The following TXNRD1 variants were observed in gnomAD, a reference collection of about 807,000 sequenced individuals.
TXNRD1 encodes the protein thioredoxin reductase 1.
Under a neutral mutation model 80.3 loss-of-function variants are expected in TXNRD1, and 57 were observed. The observed-to-expected ratio is 0.71, with a 90% CI of 0.57 to 0.89. TXNRD1 has a LOEUF of 0.89. TXNRD1 is among the 40% of genes least tolerant of loss of function. TXNRD1 has a pLI of 0.00. For synonymous variants in TXNRD1, 291 were observed against 285.2 expected (o/e 1.02, Z -0.20); for missense variants, 730 against 803.0 (o/e 0.91, Z 1.10).
intron 10 of TXNRD1, 106 bp from the exon 11 acceptor site, chr12:104,325,231 C>A: frequency 1.2e-6 from 1 of 811,694 alleles, no homozygotes; most frequent in Non-Finnish European, 2.1e-6. Context: ...ACTTTTCAAG[C>A]ACGATTTTAT....
In TXNRD1 at chr12:104,326,460, A is replaced by ATTTTTTTTTTTT; in HGVS notation, c.1385+48_1385+59dup. On this transcript the variant is annotated intron_variant, in intron 12 of 16. Transcript: ENST00000525566. ...ATCTTTATTATGTCATATTTGTGGG[A>ATTTTTTTTTTTT]TTTTTTTTTTTTTTTTTTTTTTGAG... The ATTTTTTTTTTTT allele has an allele frequency of 5.6e-6, 3 of 539,390 alleles. 1 individual carries two copies. Among genetic ancestry groups the ATTTTTTTTTTTT allele is most frequent in the Non-Finnish European group, 2.7e-6 (1 of 365,510 alleles). The allele number at this position is 539,390 out of a possible 1,614,324, so 33.4% of individuals were successfully genotyped here. A position where few individuals can be genotyped will look rare whatever the true frequency, so the allele number is the denominator to read the frequency against.
chr12:104,234,507 C>A (rs2032691292), intron 1 of TXNRD1, among the ~76,000 whole-genome samples: 1 of 151,924 alleles, frequency 6.6e-6, no homozygotes, highest in Non-Finnish European at 1.5e-5. Context: ...ATTGGCCAGG[C>A]TGGTCTTGAA....
intron 1 of TXNRD1, among the ~76,000 whole-genome samples, chr12:104,236,646 G>A (rs937939857): frequency 6.6e-6 from 1 of 151,856 alleles, no homozygotes; most frequent in African/African-American, 2.4e-5. Context: ...AAAATTAGCC[G>A]GGTGTGGTGG....
At chr12:104,347,631 C>T (rs756348255) in intron 16 of TXNRD1, among the ~76,000 whole-genome samples, 3 of 152,110 alleles carry the variant, frequency 2.0e-5, no homozygotes, top group Non-Finnish European at 2.9e-5. Flanking sequence ...GTCACAGCAT[C>T]GTATTGCAAA....
chr12:104,324,794 C>T (rs1016495426), intron 10 of TXNRD1, among the ~76,000 whole-genome samples: 5 of 152,198 alleles, frequency 3.3e-5, no homozygotes, highest in East Asian at 1.9e-4. Context: ...CAACTGAAAA[C>T]ACCCCCTGGT....
chr12:104,342,961 G>T (rs1285951247), intron 16 of TXNRD1, among the ~76,000 whole-genome samples: 1 of 152,156 alleles, frequency 6.6e-6, no homozygotes, highest in African/African-American at 2.4e-5. Context: ...ATATTTGAGG[G>T]CAGAGTTGAT....
At chr12:104,332,200 G>GT (rs932712713) in intron 14 of TXNRD1, among the ~76,000 whole-genome samples, 1 of 152,074 alleles carries the variant, frequency 6.6e-6, no homozygotes, top group Non-Finnish European at 1.5e-5. Flanking sequence ...TGGAGTCAAA[G>GT]AAAATGCACA....
chr12:104,253,373 T>C (rs1220788162), intron 2 of TXNRD1, among the ~76,000 whole-genome samples: 2 of 117,870 alleles, frequency 1.7e-5, no homozygotes, highest in African/African-American at 6.8e-5. Flanking sequence ...GGGAGTAGGA[T>C]TGCAAAGAGG....
intron 16 of TXNRD1, among the ~76,000 whole-genome samples, chr12:104,342,442 A>G (rs1028040577): frequency 2.6e-5 from 4 of 152,176 alleles, no homozygotes; most frequent in African/African-American, 4.8e-5. Flanking sequence ...GACCAAATAC[A>G]TATTTCTTCT....
intron 3 of TXNRD1, among the ~76,000 whole-genome samples, chr12:104,270,815 C>T (rs938891813): frequency 6.6e-6 from 1 of 151,924 alleles, no homozygotes; most frequent in African/African-American, 2.4e-5. Flanking sequence ...ATATAGCCTC[C>T]TTTATAGCAA....
intron 1 of TXNRD1, among the ~76,000 whole-genome samples, chr12:104,238,163 TTAAC>T (rs147293970): frequency 0.016 from 2,363 of 152,354 alleles, 35 homozygotes; most frequent in Middle Eastern, 0.027. Context: ...AGTCATGTTT[TTAAC>T]TAACCTGCAA....
intron 3 of TXNRD1, among the ~76,000 whole-genome samples, chr12:104,274,724 A>T (rs7342321): frequency 0.72 from 102,318 of 142,712 alleles, 34,787 homozygotes; most frequent in East Asian, 0.85. Context: ...ATAATAAAAA[A>T]AATAATAATA....
intron 4 of TXNRD1, among the ~76,000 whole-genome samples, chr12:104,292,506 G>A (rs1041710397): frequency 6.6e-6 from 1 of 151,558 alleles, no homozygotes; most frequent in African/African-American, 2.4e-5. Context: ...TGGTTCTCCT[G>A]CCTCAGCCTC....
chr12:104,265,265 A>AAC, intron 3 of TXNRD1: 2 of 1,525,424 alleles, frequency 1.3e-6, no homozygotes, highest in Non-Finnish European at 1.8e-6. Context: ...AAAAAAAAAA[A>AAC]AAAACTTCCT....
At chr12:104,290,716 T>TATAA (rs2034157523) in intron 4 of TXNRD1, among the ~76,000 whole-genome samples, 3 of 68,922 alleles carry the variant, frequency 4.4e-5, no homozygotes, top group Admixed American at 3.3e-4. Flanking sequence ...AAAAAAGAAA[T>TATAA]ATACATATAT....
intron 1 of TXNRD1, among the ~76,000 whole-genome samples, chr12:104,247,690 GTTC>G (rs2135700809): frequency 1.3e-5 from 2 of 152,238 alleles, no homozygotes; most frequent in South Asian, 4.1e-4. Flanking sequence ...TAAGAATGCA[GTTC>G]TTCTTAATCA....
chr12:104,283,700 G>A lies in TXNRD1; in HGVS notation c.305-5231G>A, dbSNP rs569156399. Among the ~76,000 whole-genome samples the A allele has an allele frequency of 1.9e-4, 29 of 151,928 alleles. No homozygotes were observed. In the South Asian group the frequency reaches 5.8e-3, roughly 31 times the overall value. On this transcript the variant is annotated intron_variant, in intron 3 of 16. Coordinates refer to ENST00000525566, the MANE Select transcript of TXNRD1 (RefSeq NM_001093771.3). ...AGCCTGACCAACATGGAGAAACCCC[G>A]TCTATACTAAAAATACAAAATTAGC...
chr12:104,215,962 G>T (rs1320425698), intron 1 of TXNRD1, 69 bp downstream of exon 1: 17 of 1,352,682 alleles, frequency 1.3e-5, no homozygotes, highest in Non-Finnish European at 1.7e-5. Context: ...CCGGGGTTGG[G>T]GATAAAGTGC....
intron 1 of TXNRD1, among the ~76,000 whole-genome samples, chr12:104,228,298 T>C (rs1359737851): frequency 2.9e-4 from 17 of 59,520 alleles, no homozygotes; most frequent in African/African-American, 9.5e-4. Context: ...CAAAACTCCA[T>C]CTCAAAAAAA....
Sources: allele counts gnomAD v4.1 joint callset (sites outside exome capture counted in the v4.1 genomes callset), GRCh38; gene constraint gnomAD v4.1.1; transcripts MANE v1.5; gene names NCBI Gene and HGNC (gene_info 2026-07-23, HGNC 2026-07-21).